Variants in PRKX observed in about 807,000 individuals in gnomAD.
PRKX encodes the protein protein kinase cAMP-dependent X-linked catalytic subunit, also known as cAMP-dependent protein kinase catalytic subunit PRKX.
A neutral mutation model predicts 22.0 loss-of-function variants in PRKX; 12 were observed. That is an observed-to-expected ratio of 0.54 (90% CI 0.35 to 0.88). PRKX has a LOEUF of 0.88. Ranked by LOEUF, PRKX falls within the 40% of genes least tolerant of loss-of-function variation. PRKX has a pLI of 0.01. For synonymous variants in PRKX, 134 were observed against 137.7 expected, an observed-to-expected ratio of 0.97 and a Z score of 0.19; for missense variants, 217 against 308.0, an observed-to-expected ratio of 0.70 and a Z score of 2.21.
chrX:3,702,664 G>C (rs1267125798), intron 1 of PRKX, among the ~76,000 whole-genome samples: 1 of 101,840 alleles, frequency 9.8e-6, no homozygotes, highest in Non-Finnish European at 2.0e-5. Context: ...CAGCAGGGAA[G>C]ACATTGTATA....
At chrX:3,662,389 G>A (rs1314540320) in intron 2 of PRKX, among the ~76,000 whole-genome samples, 1 of 110,780 alleles carries the variant, frequency 9.0e-6, no homozygotes, top group Non-Finnish European at 1.9e-5. Flanking sequence ...GCAAGATCAC[G>A]TCTCTACAAA....
intron 8 of PRKX, among the ~76,000 whole-genome samples, chrX:3,610,628 A>T (rs1334160358): frequency 5.4e-5 from 6 of 111,161 alleles, no homozygotes; most frequent in African/African-American, 1.6e-4. Context: ...CTACGTGTGG[A>T]ATCTTTTTCA....
chrX:3,654,032 TAA>T (rs1453926878), intron 3 of PRKX, among the ~76,000 whole-genome samples: 2 of 80,598 alleles, frequency 2.5e-5, no homozygotes, highest in Non-Finnish European at 4.4e-5. Context: ...ATATACTATG[TAA>T]TATATATATT....
At chrX:3,613,400 G>A (rs774736992) in intron 7 of PRKX, among the ~76,000 whole-genome samples, 1 of 110,345 alleles carries the variant, frequency 9.1e-6, no homozygotes, top group Non-Finnish European at 1.9e-5. Context: ...CCTACAGGTG[G>A]CTTGGAGGGG....
At chrX:3,652,417 C>CA (rs75373565) in intron 3 of PRKX, among the ~76,000 whole-genome samples, 1,419 of 81,427 alleles carry the variant, frequency 0.017, 35 homozygotes, top group African/African-American at 0.056. Flanking sequence ...GACTCCATCT[C>CA]AAAAAAAAAA....
rs767676634 is a variant in PRKX at position 3,606,062 on chromosome X, G to A, written c.*2907C>T. The A allele has an allele frequency of 8.9e-6, 1 of 112,242 alleles. No individual in the cohort carries two copies. Among genetic ancestry groups the A allele is most frequent in the Non-Finnish European group, 1.9e-5 (1 of 53,287 alleles). 9.3% of individuals were successfully genotyped at this position (112,242 alleles called of 1,213,427 possible). ...ATTTCCCTTCAGAAAAACAAGACTT[G>A]CCCCAATACACTTCTTCTTGTAACA... On this transcript the variant is annotated 3_prime_UTR_variant, in exon 9 of 9. Transcript: ENST00000262848.
At chrX:3,692,360 G>A (rs1928348513) in intron 1 of PRKX, among the ~76,000 whole-genome samples, 1 of 109,897 alleles carries the variant, frequency 9.1e-6, no homozygotes, top group South Asian at 4.0e-4. Context: ...CCCTGTGGGG[G>A]AAGGCCGGCC....
At chrX:3,687,913 C>T (rs1181018090) in intron 1 of PRKX, among the ~76,000 whole-genome samples, 1 of 111,942 alleles carries the variant, frequency 8.9e-6, no homozygotes, top group Admixed American at 9.5e-5. Context: ...ATGGAAAATA[C>T]ACTTCAAAAA....
intron 1 of PRKX, among the ~76,000 whole-genome samples, chrX:3,687,109 T>C (rs1251421481): frequency 9.0e-6 from 1 of 111,093 alleles, no homozygotes; most frequent in Non-Finnish European, 1.9e-5. Context: ...CAGCATAAAC[T>C]CCTGGGCTCA....
intron 6 of PRKX, among the ~76,000 whole-genome samples, chrX:3,619,997 C>T (rs976898751): frequency 1.8e-5 from 2 of 111,926 alleles, no homozygotes; most frequent in East Asian, 2.8e-4. Context: ...TGTCAAAACA[C>T]GCATATCAGG....
chrX:3,711,175 A>C (rs774591321), intron 1 of PRKX, among the ~76,000 whole-genome samples: 1 of 109,584 alleles, frequency 9.1e-6, no homozygotes, highest in Non-Finnish European at 1.9e-5. Context: ...ACACACACAC[A>C]CCCCTGGGTC....
In PRKX at chrX:3,698,967, CTT is replaced by C. The variant is rs111433967; in HGVS notation, c.166+14119_166+14120del. Among the ~76,000 whole-genome samples the C allele has an allele frequency of 9.8e-3, 896 of 91,031 alleles. 11 individuals carry two copies. Among genetic ancestry groups the C allele is most frequent in the African/African-American group, 0.035 (840 of 24,111 alleles). 79.0% of individuals were successfully genotyped at this position (91,031 alleles called of 115,157 possible). ...CCACCATCCCACAACTTCCAAAATT[CTT>C]TTTTTTTTTTTTTTGAGATGGAGTC... On this transcript the variant is annotated intron_variant, in intron 1 of 8. Transcript: ENST00000262848.
chrX:3,692,811 G>A (rs1928360928), intron 1 of PRKX, among the ~76,000 whole-genome samples: 1 of 111,424 alleles, frequency 9.0e-6, no homozygotes, highest in South Asian at 3.8e-4. Context: ...ACAGGCGTGA[G>A]CCACGGCGCC....
At chrX:3,689,760 A>C (rs12392004) in intron 1 of PRKX, among the ~76,000 whole-genome samples, 25 of 111,636 alleles carry the variant, frequency 2.2e-4, no homozygotes, top group Admixed American at 2.1e-3. Context: ...GGCGGATCAC[A>C]AGGTCAGGAG....
intron 3 of PRKX, among the ~76,000 whole-genome samples, chrX:3,642,931 G>A (rs1364684729): frequency 4.9e-5 from 5 of 102,589 alleles, no homozygotes; most frequent in African/African-American, 1.8e-4. Context: ...CCAGGAGGCG[G>A]AGGTTGCAGT....
chrX:3,610,195 T>G (rs1428540390), intron 8 of PRKX, among the ~76,000 whole-genome samples: 1 of 111,995 alleles, frequency 8.9e-6, no homozygotes, highest in Non-Finnish European at 1.9e-5. Flanking sequence ...AAATATTGCA[T>G]CTGGGCCAGG....
chrX:3,673,106 C>G (rs1184143051), intron 2 of PRKX, among the ~76,000 whole-genome samples: 3 of 111,782 alleles, frequency 2.7e-5, no homozygotes, highest in Non-Finnish European at 5.6e-5. Flanking sequence ...GAGGAGAAGG[C>G]AGGTGCACTT....
chrX:3,632,287 C>T (rs914706134), intron 4 of PRKX, among the ~76,000 whole-genome samples: 17 of 111,439 alleles, frequency 1.5e-4, no homozygotes, highest in African/African-American at 4.6e-4. Context: ...AAAAACCACC[C>T]AGGCCAGGCT....
At chrX:3,689,284 C>T (rs765451364) in intron 1 of PRKX, among the ~76,000 whole-genome samples, 125 of 112,784 alleles carry the variant, frequency 1.1e-3, no homozygotes, top group African/African-American at 3.9e-3. Flanking sequence ...GTGAAACACG[C>T]AGTTCTTCTT....
Sources: gnomAD v4.1 joint callset for allele counts (sites outside exome capture counted in the v4.1 genomes callset) on GRCh38, gnomAD v4.1.1 for gene constraint, MANE v1.5 for transcripts, NCBI Gene and HGNC (gene_info 2026-07-23, HGNC 2026-07-21) for gene names.